Variants in EME2 observed in about 807,000 individuals in gnomAD.
The protein encoded by EME2 is essential meiotic structure-specific endonuclease subunit 2, also known as structure-specific endonuclease subunit EME2.
Under a neutral mutation model 41.9 loss-of-function variants are expected in EME2, and 58 were observed. The observed-to-expected ratio is 1.38, with a 90% confidence interval of 1.12 to 1.72. The LOEUF (loss-of-function observed/expected upper bound fraction) is 1.72. Ranked by LOEUF, EME2 falls within the 40% of genes most tolerant of loss-of-function variation. EME2 has a pLI of 0.00. For synonymous variants in EME2, 334 were observed against 239.3 expected (o/e 1.40, Z -3.65); for missense variants, 695 against 541.9 (o/e 1.28, Z -2.81).
Position 1,776,488 on chromosome 16 carries a change from GGC to G in EME2, c.*251_*252del, listed in dbSNP as rs139495826. 0.79 allele frequency: 368,046 copies of G among 466,122 alleles called. 146,660 individuals are homozygous for G. Among genetic ancestry groups the G allele is most frequent in the Middle Eastern group, 0.85 (1,522 of 1,792 alleles). The allele number at this position is 466,122 out of a possible 1,614,324, so 28.9% of individuals were successfully genotyped here. A position where few individuals can be genotyped will look rare whatever the true frequency, so the allele number is the denominator to read the frequency against. On this transcript the variant is annotated 3_prime_UTR_variant, in exon 8 of 8. Transcript: ENST00000568449. ...TCCTGAACACGTAGGCCCCAGGGGA[GGC>G]CTCAGCAGCAGGGCTGTGCCCCCCC...
In EME2 at chr16:1,778,659, CCT is replaced by C; in HGVS notation, c.*2425_*2426del. 1 of 1,510,904 alleles carries C rather than the reference CCT, an allele frequency of 6.6e-7. No individual in the cohort carries two copies. Among genetic ancestry groups the C allele is most frequent in the East Asian group, 2.3e-5 (1 of 43,908 alleles). The allele number at this position is 1,510,904 out of a possible 1,614,324, so 93.6% of individuals were successfully genotyped here. A position where few individuals can be genotyped will look rare whatever the true frequency, so the allele number is the denominator to read the frequency against. ...TTACTACCTGTTGCCCGCTCTCTACCCTCTCACCCTTGCCCTCTGTCCCTGTC... is the reference window on the plus strand; with the variant it reads ...TTACTACCTGTTGCCCGCTCTCTACCCTCACCCTTGCCCTCTGTCCCTGTC... On this transcript the variant is annotated 3_prime_UTR_variant, in exon 8 of 8. Coordinates refer to ENST00000568449, the MANE Select transcript of EME2 (RefSeq NM_001257370.2).
intron 1 of EME2, 51 bp from the exon 2 acceptor site, chr16:1,773,654 C>T: frequency 1.3e-6 from 2 of 1,546,046 alleles, no homozygotes; most frequent in South Asian, 2.4e-5. Flanking sequence ...AGGTAGGGCG[C>T]TCGCGAGGGT....
At chr16:1,774,420 C>A in intron 3 of EME2, 68 bp downstream of exon 3, 2 of 1,306,898 alleles carry the variant, frequency 1.5e-6, no homozygotes, top group Non-Finnish European at 2.2e-6. Context: ...GAGGCGCCTG[C>A]TCCGCCGGTC....
rs757044439 is a variant in EME2, at chr16:1,777,388, C to G, written c.*1150C>G. 5.0e-6 allele frequency: 8 copies of G among 1,592,932 alleles called. No homozygotes were observed. The Admixed American group carries it at 1.4e-4, about 27-fold the overall frequency. On this transcript the variant is annotated 3_prime_UTR_variant, in exon 8 of 8. Transcript: ENST00000568449. ...TGACCTTCATGCTGCTCCGGGCCGC[C>G]GTGGAGCACACCATCGGGTAGAATC... is the stretch of plus-strand genomic sequence containing the variant.
At chr16:1,775,756 C>T in intron 6 of EME2, 41 bp from the exon 7 acceptor site, 1 of 1,612,290 alleles carries the variant, frequency 6.2e-7, no homozygotes, top group South Asian at 1.1e-5. Flanking sequence ...CTTTTGGGAG[C>T]TGCTCACATG....
Position 1,776,614 on chromosome 16 carries a change from G to GGAC in EME2, c.*377_*379dup. On this transcript the variant is annotated 3_prime_UTR_variant, in exon 8 of 8. Coordinates refer to ENST00000568449, the MANE Select transcript of EME2 (RefSeq NM_001257370.2). ...GGCACCCTCAGCCAGAAGCAGTAGGGGACTCCCAAGGATGTGGAGGGGCAG... is the reference window on the plus strand; with the variant it reads ...GGCACCCTCAGCCAGAAGCAGTAGGGGACGACTCCCAAGGATGTGGAGGGGCAG... The GGAC allele has an allele frequency of 3.3e-6, 1 of 303,712 alleles. No individual in the cohort carries two copies. The highest frequency in any genetic ancestry group is 6.2e-6 in the Non-Finnish European group (1 of 162,514). 18.8% of individuals were successfully genotyped at this position (303,712 alleles called of 1,614,324 possible). A position where few individuals can be genotyped will look rare whatever the true frequency, so the allele number is the denominator to read the frequency against.
At position 1,773,850 on chromosome 16, in the gene EME2, T is replaced by TCG; in HGVS notation, c.384+12_384+13dup. The TCG allele has an allele frequency of 4.6e-6, 7 of 1,534,922 alleles. No individual in the cohort carries two copies. Among genetic ancestry groups the TCG allele is most frequent in the Non-Finnish European group, 6.1e-6 (7 of 1,145,976 alleles). On this transcript the variant is annotated intron_variant, in intron 2 of 7. Transcript: ENST00000568449. ...ACCCCTGCCCCCGCAGCGTGAGTGG[T>TCG]CGCGGGTTCCCGAGGGCCAGCCGCG...
At position 1,775,650 on chromosome 16, in the gene EME2, G is replaced by A. The variant is rs766989037; in HGVS notation, c.745G>A (p.Ala249Thr). The A allele has an allele frequency of 5.0e-6, 8 of 1,612,914 alleles. No individual in the cohort carries two copies. In the South Asian group the frequency reaches 5.5e-5, roughly 11 times the overall value. Residue 249 changes from alanine to threonine, a missense_variant, in exon 6 of 8, where the codon GCC becomes ACC. By Grantham distance (58) the Ala-to-Thr change is moderately conservative (BLOSUM62 0). Transcript: ENST00000568449. ...GCAGGAGCTGAGTCGGCACGTGTGC[G>A]CCGTTACCAAGGCTCTCGCCCAGTA... The part of the protein sequence containing the change: ...SWQELSRHVC[A>T]VTKALAQYPL...
Position 1,781,533 on chromosome 16 carries a change from A to C in EME2, c.*5295A>C. 8.2e-6 allele frequency: 13 copies of C among 1,594,692 alleles called. No individual in the cohort carries two copies. The highest frequency in any genetic ancestry group is 1.1e-5 in the South Asian group (1 of 89,286). On this transcript the variant is annotated 3_prime_UTR_variant, in exon 8 of 8. Coordinates refer to ENST00000568449, the MANE Select transcript of EME2 (RefSeq NM_001257370.2). ...ACAGGCTCTGGGCAAAGGAAGACTC[A>C]CAGCACTCCCAGCCCTGAGCTTCCA...
intron 3 of EME2, 133 bp downstream of exon 3, chr16:1,774,485 T>A: frequency 1.4e-6 from 1 of 702,802 alleles, no homozygotes; most frequent in South Asian, 1.7e-5. Context: ...GACTCCTCTC[T>A]GATCCAAAGC....
At position 1,773,262 on chromosome 16, in the gene EME2, C is replaced by T; in HGVS notation, c.35C>T (p.Ser12Phe). 6.9e-7 allele frequency: 1 copy of T among 1,455,144 alleles called. No homozygotes were observed. The highest frequency in any genetic ancestry group is 9.0e-7 in the Non-Finnish European group (1 of 1,113,550). 90.1% of individuals were successfully genotyped at this position (1,455,144 alleles called of 1,614,324 possible). Residue 12 changes from serine to phenylalanine, a missense_variant, in exon 1 of 8, where the codon TCT becomes TTT. Ser to Phe is a radical substitution (Grantham distance 155). Coordinates refer to ENST00000568449, the MANE Select transcript of EME2 (RefSeq NM_001257370.2). ...ARVGPGRAGVSCQGRGRGRGG... is the reference protein window; with the variant it reads ...ARVGPGRAGVFCQGRGRGRGG... ...GTTGGACCCGGGAGGGCGGGGGTCT[C>T]TTGCCAGGGCCGGGGCCGGGGACGG... is the stretch of plus-strand genomic sequence containing the variant.
chr16:1,773,623 C>T, intron 1 of EME2, 82 bp from the exon 2 acceptor site: 3 of 1,542,034 alleles, frequency 1.9e-6, no homozygotes, highest in Non-Finnish European at 2.6e-6. Context: ...AATGGAGACT[C>T]CCCGGTCCGG....
In EME2 at chr16:1,777,085, C is replaced by T; in HGVS notation, c.*847C>T. The T allele has an allele frequency of 6.2e-7, 1 of 1,608,240 alleles. No individual in the cohort carries two copies. The highest frequency in any genetic ancestry group is 8.5e-7 in the Non-Finnish European group (1 of 1,177,144). On this transcript the variant is annotated 3_prime_UTR_variant, in exon 8 of 8. Coordinates refer to ENST00000568449, the MANE Select transcript of EME2 (RefSeq NM_001257370.2). ...GTCCCAGCCCAAGAAGGCAGTTCCA[C>T]TGGGAAGTCAGTCAGGTCCGGCGGC...
rs1295121506 is a variant in EME2, at chr16:1,778,522, AGTCACAGAAGGACTCGCCG to A, written c.*2290_*2308del. ...AAGGAGGCCTCGCTCTGCCCAGCAC[AGTCACAGAAGGACTCGCCG>A]GTCACGGGCACCGCACTGGGGATGG... On this transcript the variant is annotated 3_prime_UTR_variant, in exon 8 of 8. Transcript: ENST00000568449. The A allele has an allele frequency of 1.2e-6, 2 of 1,611,194 alleles. No homozygotes were observed. The highest frequency in any genetic ancestry group is 1.7e-6 in the Non-Finnish European group (2 of 1,178,874).
chr16:1,773,918 C>A, intron 2 of EME2, 77 bp downstream of exon 2: 1 of 1,452,150 alleles, frequency 6.9e-7, no homozygotes, highest in Non-Finnish European at 9.1e-7. Flanking sequence ...TGGAGCTGTC[C>A]CTGAGGCAGC....
rs757608224 is a variant in EME2 at position 1,777,211 on chromosome 16, G to A, written c.*973G>A. On this transcript the variant is annotated 3_prime_UTR_variant, in exon 8 of 8. Transcript: ENST00000568449. Reference sequence around the variant, plus strand: ...GAGCCTTGCGGCGGCTGCAACTCATGCTCAGGACCCAGCCCAGCTTGTTGT... The same window carrying A: ...GAGCCTTGCGGCGGCTGCAACTCATACTCAGGACCCAGCCCAGCTTGTTGT... 1 of 1,610,502 alleles carries A rather than the reference G, an allele frequency of 6.2e-7. No individual in the cohort carries two copies.
At chr16:1,775,719 A>ACC (rs1200961916) in intron 6 of EME2, 35 bp downstream of exon 6, 1 of 1,612,522 alleles carries the variant, frequency 6.2e-7, no homozygotes, top group Admixed American at 1.7e-5. Context: ...GGGCAGGATC[A>ACC]CCTCAAGGTA....
intron 3 of EME2, 135 bp from the exon 4 acceptor site, chr16:1,774,906 C>T (rs143295015): frequency 3.8e-5 from 28 of 741,520 alleles, no homozygotes; most frequent in Middle Eastern, 3.6e-4. Context: ...GAAGGGGTAA[C>T]GGAACAGAGG....
chr16:1,776,327 ACCCTCAG>A lies in EME2; in HGVS notation c.*92_*98del. 7.2e-7 allele frequency: 1 copy of A among 1,387,656 alleles called. No homozygotes were observed. Among genetic ancestry groups the A allele is most frequent in the Non-Finnish European group, 1.0e-6 (1 of 998,558 alleles). 86.0% of individuals were successfully genotyped at this position (1,387,656 alleles called of 1,614,324 possible). ...GGGGAGGACCCCCAGCCACATGTGGACCCTCAGCCTGGGTGGGTTCTCTGGCTGAGCA... is the reference window on the plus strand; with the variant it reads ...GGGGAGGACCCCCAGCCACATGTGGACCTGGGTGGGTTCTCTGGCTGAGCA... On this transcript the variant is annotated 3_prime_UTR_variant, in exon 8 of 8. Coordinates refer to ENST00000568449, the MANE Select transcript of EME2 (RefSeq NM_001257370.2).
Sources: gnomAD v4.1 joint callset for allele counts on GRCh38, gnomAD v4.1.1 for gene constraint, MANE v1.5 for transcripts, NCBI Gene and HGNC (gene_info 2026-07-23, HGNC 2026-07-21) for gene names.